OSBPL10: variants seen among roughly 807,000 people sequenced by gnomAD.
The protein encoded by OSBPL10 is oxysterol binding protein like 10, also known as oxysterol-binding protein-related protein 10.
In OSBPL10, 49 loss-of-function variants were observed where a neutral mutation model predicts 81.7. The observed-to-expected ratio is 0.60, with a 90% CI of 0.48 to 0.76. OSBPL10 has a LOEUF of 0.76. Ranked by LOEUF, OSBPL10 falls within the 30% of genes least tolerant of loss-of-function variation. OSBPL10 has a pLI of 0.00. For synonymous variants in OSBPL10, 419 were observed against 383.6 expected (o/e 1.09, Z -1.08); for missense variants, 923 against 987.8 (o/e 0.93, Z 0.88).
At chr3:31,978,654 A>C (rs747180364) in intron 1 of OSBPL10, among the ~76,000 whole-genome samples, 34 of 152,194 alleles carry the variant, frequency 2.2e-4, no homozygotes, top group Non-Finnish European at 4.6e-4. Flanking sequence ...ATGCTTATGG[A>C]GTCAGTGGTA....
At chr3:31,717,859 C>G (rs917121827) in intron 6 of OSBPL10, among the ~76,000 whole-genome samples, 1 of 152,178 alleles carries the variant, frequency 6.6e-6, no homozygotes, top group African/African-American at 2.4e-5. Context: ...CATTATCATG[C>G]TCTGCTTTGT....
chr3:31,904,754 G>T (rs762124047), intron 1 of OSBPL10, among the ~76,000 whole-genome samples: 2 of 152,150 alleles, frequency 1.3e-5, no homozygotes, highest in Non-Finnish European at 2.9e-5. Context: ...AGACTCAAAG[G>T]CAACCTGAAT....
chr3:31,662,392 C>CA (rs35980971), intron 11 of OSBPL10: 74 of 1,167,584 alleles, frequency 6.3e-5, no homozygotes, highest in East Asian at 1.9e-4. Flanking sequence ...ATTACTTGGC[C>CA]AAAAAAAAGA....
intron 10 of OSBPL10, 81 bp downstream of exon 10, chr3:31,668,561 A>G: frequency 7.5e-7 from 1 of 1,341,408 alleles, no homozygotes; most frequent in Non-Finnish European, 1.0e-6. Context: ...GCTAAGTTTC[A>G]AAGTCTTCTT....
In OSBPL10 at chr3:31,662,094, T is replaced by C. The variant is rs368178085; in HGVS notation, c.2273A>G (p.Asn758Ser). The C allele has an allele frequency of 3.0e-5, 48 of 1,613,800 alleles. No individual in the cohort carries two copies. The highest frequency in any genetic ancestry group is 1.7e-4 in the African/African-American group (13 of 74,888). The change falls in exon 12 of 12, where the codon AAT (asparagine) becomes AGT (serine). Residue 758 changes from asparagine to serine, a missense_variant. Asn to Ser is a conservative substitution (Grantham distance 46). Coordinates refer to ENST00000396556, the MANE Select transcript of OSBPL10 (RefSeq NM_017784.5). ...CCATCAGTGTGCTTTCCAGAGGGGA[T>C]TGAAGTATACCCAGCCATCGCCCTG... ...IQEGDGWVYF[N>S]PLWKAH
chr3:31,801,452 T>A (rs567460705), intron 4 of OSBPL10, among the ~76,000 whole-genome samples: 2 of 152,336 alleles, frequency 1.3e-5, no homozygotes, highest in Non-Finnish European at 2.9e-5. Context: ...CTCACCTGCC[T>A]GTTTACCAGG....
chr3:31,926,647 G>A (rs1697083465), intron 1 of OSBPL10, among the ~76,000 whole-genome samples: 1 of 152,186 alleles, frequency 6.6e-6, no homozygotes, highest in Non-Finnish European at 1.5e-5. Context: ...GCACAGGCTT[G>A]CTGTGGACGC....
intron 4 of OSBPL10, among the ~76,000 whole-genome samples, chr3:31,752,299 A>G (rs887585863): frequency 6.6e-6 from 1 of 152,214 alleles, no homozygotes; most frequent in Admixed American, 6.5e-5. Flanking sequence ...GATTGTTTAA[A>G]AACAAACAAA....
At chr3:31,728,627 T>A (rs1175781083) in intron 6 of OSBPL10, among the ~76,000 whole-genome samples, 3 of 152,224 alleles carry the variant, frequency 2.0e-5, no homozygotes, top group African/African-American at 7.2e-5. Flanking sequence ...GAATCTCAAA[T>A]GCATTATGCT....
At chr3:31,838,547 T>C (rs1700418141) in intron 3 of OSBPL10, among the ~76,000 whole-genome samples, 2 of 142,550 alleles carry the variant, frequency 1.4e-5, no homozygotes, top group African/African-American at 2.6e-5. Context: ...ACCTCATATA[T>C]TGAAATCCTA....
chr3:32,038,151 G>T (rs1165473465), intron 2 of OSBPL10, among the ~76,000 whole-genome samples: 1 of 151,996 alleles, frequency 6.6e-6, no homozygotes, highest in Non-Finnish European at 1.5e-5. Flanking sequence ...CCCTTAGAAA[G>T]ATGTGGATAA....
chr3:31,718,462 A>G (rs1160574604), intron 6 of OSBPL10, among the ~76,000 whole-genome samples: 2 of 151,680 alleles, frequency 1.3e-5, no homozygotes, highest in African/African-American at 2.4e-5. Flanking sequence ...AAATAACACC[A>G]TGATGACTTT....
At chr3:31,924,512 C>T (rs1697014880) in intron 1 of OSBPL10, among the ~76,000 whole-genome samples, 1 of 152,146 alleles carries the variant, frequency 6.6e-6, no homozygotes, top group African/African-American at 2.4e-5. Flanking sequence ...ATAACAAAAT[C>T]TCTCCCGTAA....
intron 7 of OSBPL10, among the ~76,000 whole-genome samples, chr3:31,689,572 TG>T (rs1412601752): frequency 6.6e-6 from 1 of 152,188 alleles, no homozygotes; most frequent in Non-Finnish European, 1.5e-5. Flanking sequence ...CATCTTGAGT[TG>T]TAACTCCCAC....
At chr3:31,742,475 C>T (rs1447488646) in intron 5 of OSBPL10, among the ~76,000 whole-genome samples, 1 of 152,208 alleles carries the variant, frequency 6.6e-6, no homozygotes, top group Non-Finnish European at 1.5e-5. Flanking sequence ...CAAATCTATT[C>T]TCTTGATCTT....
intron 1 of OSBPL10, among the ~76,000 whole-genome samples, chr3:31,888,143 C>T (rs1695790421): frequency 6.6e-6 from 1 of 152,144 alleles, no homozygotes; most frequent in Admixed American, 6.5e-5. Flanking sequence ...ACCAATGGAA[C>T]AGAATAGAGA....
At chr3:31,791,447 T>G (rs1699007362) in intron 4 of OSBPL10, among the ~76,000 whole-genome samples, 1 of 152,188 alleles carries the variant, frequency 6.6e-6, no homozygotes, top group South Asian at 2.1e-4. Context: ...GCATTTCCCC[T>G]GAGGTTCTGA....
At chr3:31,917,647 A>G (rs1696796856) in intron 1 of OSBPL10, among the ~76,000 whole-genome samples, 1 of 149,326 alleles carries the variant, frequency 6.7e-6, no homozygotes, top group Non-Finnish European at 1.5e-5. Flanking sequence ...TTGAGATAGG[A>G]AGGAGCACCT....
At chr3:31,991,009 C>G in intron 2 of OSBPL10, 1 of 1,530,864 alleles carries the variant, frequency 6.5e-7, no homozygotes, top group Non-Finnish European at 8.8e-7. Context: ...TCAGAAAATT[C>G]ATTCCTGAGA....
Sources: allele counts gnomAD v4.1 joint callset (sites outside exome capture counted in the v4.1 genomes callset), GRCh38; gene constraint gnomAD v4.1.1; transcripts MANE v1.5; gene names NCBI Gene and HGNC (gene_info 2026-07-23, HGNC 2026-07-21).